RNF150: variants seen among roughly 807,000 people sequenced by gnomAD.
The protein encoded by RNF150 is ring finger protein 150.
RNF150 carries 24 observed loss-of-function variants against 39.3 expected under a neutral mutation model. That is an observed-to-expected ratio of 0.61 (90% CI 0.44 to 0.86). The LOEUF is 0.86. RNF150 is among the 40% of genes least tolerant of loss of function. The probability of loss-of-function intolerance (pLI) is 0.00; values close to 1 mark genes in which losing one functional copy is unlikely to be tolerated. For missense variants in RNF150, 502 were observed against 587.8 expected (o/e 0.85, Z 1.51); for synonymous variants, 255 against 227.3 (o/e 1.12, Z -1.10).
intron 1 of RNF150, among the ~76,000 whole-genome samples, chr4:141,115,493 G>A (rs1322279609): frequency 2.6e-5 from 4 of 152,112 alleles, no homozygotes; most frequent in African/African-American, 9.7e-5. Context: ...AAATAAGAGA[G>A]GACACAAACA....
chr4:140,975,140 C>G lies in RNF150; in HGVS notation c.485-7267G>C, dbSNP rs567183204. Reference sequence around the variant, plus strand: ...GTGTGGTGGCATGCTCCTGTAGTTCCAGCTACTTGGGAGCCTGAGGTGGGA... The same window carrying G: ...GTGTGGTGGCATGCTCCTGTAGTTCGAGCTACTTGGGAGCCTGAGGTGGGA... On this transcript the variant is annotated intron_variant, in intron 1 of 6. Transcript: ENST00000515673. Among the ~76,000 whole-genome samples the G allele has an allele frequency of 9.9e-5, 15 of 152,170 alleles. No homozygotes were observed. In the South Asian group the frequency reaches 3.1e-3, roughly 32 times the overall value.
chr4:140,897,281 T>C (rs1236209048), intron 6 of RNF150, among the ~76,000 whole-genome samples: 1 of 152,206 alleles, frequency 6.6e-6, no homozygotes, highest in African/African-American at 2.4e-5. Flanking sequence ...CCACTTAGAA[T>C]GTGTGCATTG....
In RNF150 at chr4:140,911,346, G is replaced by T. The variant is rs369968625; in HGVS notation, c.996C>A (p.Ala332=). 3 of 1,613,896 alleles carry T rather than the reference G, an allele frequency of 1.9e-6. No individual in the cohort carries two copies. The highest frequency in any genetic ancestry group is 1.3e-5 in the African/African-American group (1 of 74,914). ...ILKALGIPPN[A]DCMDDLPTDF... ...CAGTGGGCAAGTCGTCCATGCAGTCGGCATTGGGCTGATGGGGCAGAAAAA... is the reference window on the plus strand; with the variant it reads ...CAGTGGGCAAGTCGTCCATGCAGTCTGCATTGGGCTGATGGGGCAGAAAAA... The change falls in exon 6 of 7, where the codon GCC becomes GCA. Residue 332 remains alanine (A), a synonymous_variant. Coordinates refer to ENST00000515673, the MANE Select transcript of RNF150 (RefSeq NM_020724.2).
intron 1 of RNF150, among the ~76,000 whole-genome samples, chr4:140,984,554 G>A (rs1733962519): frequency 6.6e-6 from 1 of 152,106 alleles, no homozygotes; most frequent in Non-Finnish European, 1.5e-5. Context: ...CCTGTCCTTT[G>A]TTTGATACAG....
rs145358063 is a variant in RNF150, at chr4:140,900,636, G to A, written c.1198+10508C>T. On this transcript the variant is annotated intron_variant, in intron 6 of 6. Coordinates refer to ENST00000515673, the MANE Select transcript of RNF150 (RefSeq NM_020724.2). ...ATACAATCTAGAGCTCTCAGGCCTC[G>A]ACACTACATCTTGGAAACTGACAAA... 1.0e-3 allele frequency among the ~76,000 whole-genome samples: 153 copies of A among 152,234 alleles called. 1 individual carries two copies. The highest frequency in any genetic ancestry group is 3.3e-3 in the African/African-American group (138 of 41,550).
chr4:141,022,124 G>T (rs531601245), intron 1 of RNF150, among the ~76,000 whole-genome samples: 11 of 152,256 alleles, frequency 7.2e-5, no homozygotes, highest in East Asian at 1.9e-4. Flanking sequence ...GGAAAGAAAG[G>T]CCTCTTTACA....
intron 6 of RNF150, among the ~76,000 whole-genome samples, chr4:140,885,201 C>CT (rs752444379): frequency 0.11 from 13,632 of 129,044 alleles, 936 homozygotes; most frequent in African/African-American, 0.15. Context: ...CAACATCAGT[C>CT]TTTTTTTTTT....
rs577378157 is a variant in RNF150 at position 140,862,904 on chromosome 4, C to T, written c.*5357G>A. The T allele has an allele frequency of 6.6e-6, 1 of 152,300 alleles. No homozygotes were observed. The highest frequency in any genetic ancestry group is 2.4e-5 in the African/African-American group (1 of 41,540). The allele number at this position is 152,300 out of a possible 1,614,324, so 9.4% of individuals were successfully genotyped here. Reference sequence around the variant, plus strand: ...CCAGCTCCCTGATCAGAGATCCTGCCATCCTCTTTTCTTACTTCCTGCAGG... The same window carrying T: ...CCAGCTCCCTGATCAGAGATCCTGCTATCCTCTTTTCTTACTTCCTGCAGG... On this transcript the variant is annotated 3_prime_UTR_variant, in exon 7 of 7. Transcript: ENST00000515673.
intron 1 of RNF150, among the ~76,000 whole-genome samples, chr4:141,003,656 G>A (rs1215007202): frequency 6.6e-6 from 1 of 151,836 alleles, no homozygotes; most frequent in African/African-American, 2.4e-5. Flanking sequence ...CAAGGGAAGG[G>A]GAGGAAAGTC....
chr4:141,030,079 C>T (rs1250542286), intron 1 of RNF150, among the ~76,000 whole-genome samples: 1 of 151,912 alleles, frequency 6.6e-6, no homozygotes, highest in Non-Finnish European at 1.5e-5. Flanking sequence ...GCCTTAGTCC[C>T]AGCTACTTGG....
chr4:140,904,354 C>G (rs2111257291), intron 6 of RNF150, among the ~76,000 whole-genome samples: 1 of 152,336 alleles, frequency 6.6e-6, no homozygotes, highest in African/African-American at 2.4e-5. Flanking sequence ...GGCTAATTCT[C>G]TTGCCTGCCA....
At chr4:140,967,980 C>G in intron 1 of RNF150, 107 bp from the exon 2 acceptor site, 1 of 984,892 alleles carries the variant, frequency 1.0e-6, no homozygotes, top group Non-Finnish European at 1.5e-6. Context: ...AAGGACAGTA[C>G]TTTTGAGAAT....
At chr4:140,923,402 A>G (rs1181426703) in intron 5 of RNF150, among the ~76,000 whole-genome samples, 3 of 152,232 alleles carry the variant, frequency 2.0e-5, no homozygotes, top group African/African-American at 7.2e-5. Context: ...AGAGAAATGC[A>G]AATCAAAACC....
intron 1 of RNF150, among the ~76,000 whole-genome samples, chr4:141,152,212 T>G (rs1727314189): frequency 6.6e-6 from 1 of 152,238 alleles, no homozygotes; most frequent in Non-Finnish European, 1.5e-5. Context: ...GGGTGAGATA[T>G]TGCCACAAAG....
chr4:140,951,170 G>C (rs1732524322), intron 2 of RNF150, among the ~76,000 whole-genome samples: 1 of 152,036 alleles, frequency 6.6e-6, no homozygotes, highest in South Asian at 2.1e-4. Context: ...ATAGCACTTT[G>C]TACCTTTGCA....
rs144488796 is a variant in RNF150 at position 141,091,954 on chromosome 4, A to T, written c.484+40371T>A. Among the ~76,000 whole-genome samples the T allele has an allele frequency of 3.3e-3, 506 of 152,308 alleles. 3 individuals carry two copies. Among genetic ancestry groups the T allele is most frequent in the African/African-American group, 0.012 (483 of 41,562 alleles). On this transcript the variant is annotated intron_variant, in intron 1 of 6. Transcript: ENST00000515673. Reference sequence around the variant, plus strand: ...AGATACACAACAAACACATATACACAATATCCAAGGCCAACATATCTGACT... The same window carrying T: ...AGATACACAACAAACACATATACACTATATCCAAGGCCAACATATCTGACT...
At chr4:141,042,718 G>A (rs1736416657) in intron 1 of RNF150, among the ~76,000 whole-genome samples, 1 of 152,092 alleles carries the variant, frequency 6.6e-6, no homozygotes, top group South Asian at 2.1e-4. Context: ...TTATTTCCTG[G>A]ATAGATATTC....
chr4:141,166,488 G>T (rs1727607164), intron 1 of RNF150, among the ~76,000 whole-genome samples: 1 of 151,998 alleles, frequency 6.6e-6, no homozygotes, highest in Middle Eastern at 3.2e-3. Context: ...AGACACAACA[G>T]AAAAAGAAAA....
intron 2 of RNF150, among the ~76,000 whole-genome samples, chr4:140,954,638 A>T (rs980902460): frequency 3.9e-5 from 6 of 152,222 alleles, no homozygotes; most frequent in Non-Finnish European, 7.3e-5. Flanking sequence ...AGTGAAGATA[A>T]ACTGTGTTAT....
Sources: gnomAD v4.1 joint callset for allele counts (sites outside exome capture counted in the v4.1 genomes callset) on GRCh38, gnomAD v4.1.1 for gene constraint, MANE v1.5 for transcripts, NCBI Gene and HGNC (gene_info 2026-07-23, HGNC 2026-07-21) for gene names.